The following MPP7 variants were observed in gnomAD, a reference collection of about 807,000 sequenced individuals.
MPP7 encodes MAGUK p55 scaffold protein 7.
In MPP7, 60 loss-of-function variants were observed where a neutral mutation model predicts 76.5. That is an observed-to-expected ratio of 0.78 (90% CI 0.64 to 0.97). The LOEUF is 0.97. Ranked by LOEUF, MPP7 falls within the 50% of genes least tolerant of loss-of-function variation. The pLI, the probability that MPP7 is intolerant of heterozygous loss-of-function variation, is 0.00. For missense variants in MPP7, 641 were observed against 694.0 expected, an observed-to-expected ratio of 0.92 and a Z score of 0.86; for synonymous variants, 237 against 244.5, an observed-to-expected ratio of 0.97 and a Z score of 0.29.
chr10:28,189,848 A>G (rs1048287824), intron 3 of MPP7, among the ~76,000 whole-genome samples: 1 of 152,112 alleles, frequency 6.6e-6, no homozygotes, highest in Non-Finnish European at 1.5e-5. Flanking sequence ...TCAAATGTGA[A>G]TGATCTAAAT....
chr10:28,306,980 A>G (rs772027370), upstream of MPP7, among the ~76,000 whole-genome samples: 5 of 152,090 alleles, frequency 3.3e-5, no homozygotes, highest in Admixed American at 1.3e-4. Context: ...CTGCACCCAC[A>G]AGGACTAAAT....
At chr10:28,246,196 A>C (rs1839429052) in intron 1 of MPP7, among the ~76,000 whole-genome samples, 1 of 152,198 alleles carries the variant, frequency 6.6e-6, no homozygotes, top group Non-Finnish European at 1.5e-5. Flanking sequence ...GAATCTTGAA[A>C]GCAGCAAGAG....
At chr10:28,190,122 C>T (rs1837365504) in intron 3 of MPP7, among the ~76,000 whole-genome samples, 1 of 152,076 alleles carries the variant, frequency 6.6e-6, no homozygotes, top group Non-Finnish European at 1.5e-5. Context: ...CCCAAGAAGA[C>T]ATAACAATCC....
At chr10:28,163,179 T>C (rs1836322876) in intron 3 of MPP7, among the ~76,000 whole-genome samples, 1 of 152,150 alleles carries the variant, frequency 6.6e-6, no homozygotes, top group Non-Finnish European at 1.5e-5. Flanking sequence ...CTCTCTTTCC[T>C]GTCTGAACAC....
intron 11 of MPP7, chr10:28,118,601 C>A (rs10826402): frequency 1.0e-6 from 1 of 985,148 alleles, no homozygotes; most frequent in Non-Finnish European, 1.2e-6. Context: ...AATATTCTCA[C>A]GAAAGCTTTA....
intron 1 of MPP7, among the ~76,000 whole-genome samples, chr10:28,247,314 TAC>T (rs895236125): frequency 7.9e-5 from 12 of 152,182 alleles, no homozygotes; most frequent in African/African-American, 2.9e-4. Flanking sequence ...TATCAAAAAA[TAC>T]ACTTTCTAAA....
chr10:28,265,966 T>C (rs1840137299), intron 1 of MPP7, among the ~76,000 whole-genome samples: 1 of 151,752 alleles, frequency 6.6e-6, no homozygotes, highest in Non-Finnish European at 1.5e-5. Flanking sequence ...GGGCCTTCTG[T>C]TCTGTTTTGT....
At chr10:28,062,529 TAA>T (rs1851828328) in intron 13 of MPP7, among the ~76,000 whole-genome samples, 1 of 107,762 alleles carries the variant, frequency 9.3e-6, no homozygotes, top group South Asian at 3.0e-4. Context: ...TCCATAATAG[TAA>T]ACACACACAC....
At chr10:28,303,263 C>T (rs61845943), upstream of MPP7, 10,155 of 152,422 alleles carry the variant, frequency 0.067, 438 homozygotes, top group Non-Finnish European at 0.097. Context: ...AGCTCTGTAG[C>T]TCCTCCTCAT....
At chr10:28,100,501 A>G (rs1471567311) in intron 11 of MPP7, among the ~76,000 whole-genome samples, 1 of 152,174 alleles carries the variant, frequency 6.6e-6, no homozygotes, top group Non-Finnish European at 1.5e-5. Flanking sequence ...TGATCTTACA[A>G]AACAATGTCA....
intron 1 of MPP7, among the ~76,000 whole-genome samples, chr10:28,273,634 T>G (rs963366416): frequency 2.0e-5 from 3 of 152,244 alleles, no homozygotes; most frequent in African/African-American, 7.2e-5. Context: ...GCAAGGAATT[T>G]AAGTCTTCTG....
At position 28,154,604 on chromosome 10, in the gene MPP7, G is replaced by A. The variant is rs144515823; in HGVS notation, c.157-4545C>T. Among the ~76,000 whole-genome samples the A allele has an allele frequency of 3.6e-3, 553 of 152,226 alleles. 4 individuals are homozygous for A. The highest frequency in any genetic ancestry group is 6.1e-3 in the Non-Finnish European group (413 of 68,014). The stretch of plus-strand genomic sequence containing the variant: ...ACAAACCATCAACATTTTCATTTTG[G>A]TTGAAAATGTAGTGATACTATTTGA... On this transcript the variant is annotated intron_variant, in intron 3 of 16. Coordinates refer to ENST00000683449, the MANE Select transcript of MPP7 (RefSeq NM_001318170.2).
At chr10:28,172,700 A>C (rs1836723835) in intron 3 of MPP7, among the ~76,000 whole-genome samples, 1 of 152,232 alleles carries the variant, frequency 6.6e-6, no homozygotes, top group Non-Finnish European at 1.5e-5. Context: ...GAGCTATAGA[A>C]ATTACACCAA....
intron 3 of MPP7, among the ~76,000 whole-genome samples, chr10:28,187,180 G>T (rs1001949865): frequency 6.6e-6 from 1 of 152,154 alleles, no homozygotes; most frequent in Non-Finnish European, 1.5e-5. Context: ...GACCACGCGG[G>T]AGGGCACAGT....
At chr10:28,119,574 T>G in intron 11 of MPP7, 77 bp downstream of exon 11, 2 of 1,189,172 alleles carry the variant, frequency 1.7e-6, no homozygotes, top group South Asian at 2.5e-5. Context: ...CCCTTTGTTC[T>G]GCCATGAGCA....
intron 1 of MPP7, chr10:28,330,146 A>G (rs1222507833): frequency 2.6e-5 from 4 of 152,220 alleles, no homozygotes; most frequent in African/African-American, 4.8e-5. Flanking sequence ...TGTTGGTAAT[A>G]GTGGAGTACC....
At chr10:28,131,254 C>T (rs1391273505) in intron 6 of MPP7, among the ~76,000 whole-genome samples, 1 of 152,172 alleles carries the variant, frequency 6.6e-6, no homozygotes, top group African/African-American at 2.4e-5. Context: ...TTCCCATAGA[C>T]AATAGCAATT....
intron 3 of MPP7, among the ~76,000 whole-genome samples, chr10:28,174,033 A>G (rs1836775916): frequency 1.3e-5 from 2 of 152,204 alleles, no homozygotes; most frequent in South Asian, 2.1e-4. Context: ...AGAAGTACTC[A>G]ACCTCATTAG....
intron 12 of MPP7, among the ~76,000 whole-genome samples, chr10:28,071,861 A>C (rs944896119): frequency 6.6e-6 from 1 of 152,164 alleles, no homozygotes; most frequent in African/African-American, 2.4e-5. Context: ...TAGCATTTGG[A>C]TAGAAACCAC....
Sources: gnomAD v4.1 joint callset for allele counts (sites outside exome capture counted in the v4.1 genomes callset) on GRCh38, gnomAD v4.1.1 for gene constraint, MANE v1.5 for transcripts, NCBI Gene and HGNC (gene_info 2026-07-23, HGNC 2026-07-21) for gene names.